SH3BGR: variants seen among roughly 807,000 people sequenced by gnomAD.
SH3BGR encodes SH3 domain binding glutamate rich protein, also known as SH3 domain-binding glutamic acid-rich protein.
In SH3BGR, 29 loss-of-function variants were observed where a neutral mutation model predicts 24.5. That is an observed-to-expected ratio of 1.18 (90% CI 0.88 to 1.61). The LOEUF (loss-of-function observed/expected upper bound fraction) is 1.61, where lower values mean the gene tolerates loss of function less well. Ranked by LOEUF, SH3BGR falls within the 40% of genes most tolerant of loss-of-function variation. The pLI, the probability that SH3BGR is intolerant of heterozygous loss-of-function variation, is 0.00. For synonymous variants in SH3BGR, 55 were observed against 65.7 expected (o/e 0.84, Z 0.79); for missense variants, 162 against 205.8 (o/e 0.79, Z 1.30).
chr21:39,511,415 TGTG>T lies in SH3BGR; in HGVS notation c.436-264_436-262del, dbSNP rs1315962080. On this transcript the variant is annotated intron_variant, in intron 5 of 6. Coordinates refer to ENST00000333634, the MANE Select transcript of SH3BGR (RefSeq NM_007341.3). This position sits in a 1 kb window ranked among gnomAD's most constrained non-coding sequence, Gnocchi z 4.2. ...TGTGCGTGGATGTGTGTCTGGGTGG[TGTG>T]TGGGGGGGTGTGTGTGCTGTGTGTC... 6.7e-6 allele frequency among the ~76,000 whole-genome samples: 1 copy of T among 148,938 alleles called. No homozygotes were observed. Among genetic ancestry groups the T allele is most frequent in the East Asian group, 2.0e-4 (1 of 5,052 alleles).
chr21:39,515,393 A>T lies in SH3BGR; in HGVS notation c.*340A>T, dbSNP rs879884178. The T allele has an allele frequency of 3.6e-5, 6 of 168,658 alleles. No individual in the cohort carries two copies. Among genetic ancestry groups the T allele is most frequent in the Non-Finnish European group, 5.1e-5 (4 of 77,688 alleles). The allele number at this position is 168,658 out of a possible 1,614,324, so 10.4% of individuals were successfully genotyped here. A position where few individuals can be genotyped will look rare whatever the true frequency, so the allele number is the denominator to read the frequency against. On this transcript the variant is annotated 3_prime_UTR_variant, in exon 7 of 7. Transcript: ENST00000333634. ...TTTCAAGGCATGGAAGTTCTCTGTG[A>T]TACAACAATAGTATTTCTTCAAATG...
intron 2 of SH3BGR, among the ~76,000 whole-genome samples, chr21:39,472,649 G>C (rs1388277165): frequency 6.6e-6 from 1 of 152,158 alleles, no homozygotes; most frequent in Non-Finnish European, 1.5e-5. Context: ...TCTACTTGTG[G>C]TTATAAATTC....
upstream of SH3BGR, among the ~76,000 whole-genome samples, chr21:39,451,271 G>A (rs1476506669): frequency 2.0e-5 from 3 of 152,170 alleles, no homozygotes; most frequent in Non-Finnish European, 1.5e-5. Flanking sequence ...CTTTAAAATA[G>A]TTAATAAACT....
In SH3BGR at chr21:39,511,612, A is replaced by G; in HGVS notation, c.436-68A>G. The G allele has an allele frequency of 6.5e-7, 1 of 1,527,674 alleles. No individual in the cohort carries two copies. Among genetic ancestry groups the G allele is most frequent in the South Asian group, 1.2e-5 (1 of 82,650 alleles). The allele number at this position is 1,527,674 out of a possible 1,614,324, so 94.6% of individuals were successfully genotyped here. ...TTTGACCTCTAGTCCAGCATTTTAC[A>G]GTCTTTTTCTCACTGTATCCTTGGC... is the stretch of plus-strand genomic sequence containing the variant. On this transcript the variant is annotated intron_variant, in intron 5 of 6. Transcript: ENST00000333634. The surrounding 1 kb of genome is among the most constrained non-coding windows in gnomAD (Gnocchi z 4.2).
intron 2 of SH3BGR, among the ~76,000 whole-genome samples, chr21:39,463,530 G>A (rs1406381498): frequency 1.3e-5 from 2 of 152,226 alleles, no homozygotes; most frequent in Admixed American, 6.5e-5. Flanking sequence ...AGCGCCATGC[G>A]CCTGGGACTG....
In SH3BGR at chr21:39,462,473, G is replaced by A. The variant is rs753256009; in HGVS notation, c.144G>A (p.Trp48Ter). The A allele has an allele frequency of 3.2e-5, 51 of 1,608,522 alleles. 1 individual carries two copies. The South Asian group carries it at 5.3e-4, about 17-fold the overall frequency. ...CTGGAGATGAAGACAACAGGAGGTG[G>A]ATGAGAGAGAATGTTCCTGGAGAGA... ...DIAGDEDNRR[W>*]MRENVPGEKK... is the part of the protein sequence containing the mutation. The change falls in exon 2 of 7, where the codon TGG becomes TGA. Residue 48 changes from tryptophan (W) to a stop codon, truncating the protein, a stop_gained. Transcript: ENST00000333634. LOFTEE classifies it high-confidence loss of function.
chr21:39,480,914 G>A (rs775559193), intron 3 of SH3BGR, among the ~76,000 whole-genome samples: 4 of 152,344 alleles, frequency 2.6e-5, no homozygotes, highest in Middle Eastern at 3.4e-3. Context: ...TCTCCAGAAT[G>A]AATGTGGTAT....
At chr21:39,505,560 T>A (rs1439565860) in intron 4 of SH3BGR, among the ~76,000 whole-genome samples, 1 of 152,120 alleles carries the variant, frequency 6.6e-6, no homozygotes, top group Non-Finnish European at 1.5e-5. Flanking sequence ...GGTCAGGAGT[T>A]TGAAACCAGC....
At chr21:39,465,488 C>A (rs1298339545) in intron 2 of SH3BGR, among the ~76,000 whole-genome samples, 1 of 152,194 alleles carries the variant, frequency 6.6e-6, no homozygotes, top group East Asian at 1.9e-4. Context: ...TGTAGATTTA[C>A]AACTGAATGT....
At position 39,515,402 on chromosome 21, in the gene SH3BGR, T is replaced by C. The variant is rs1335029425; in HGVS notation, c.*349T>C. ...ATGGAAGTTCTCTGTGATACAACAA[T>C]AGTATTTCTTCAAATGCGCCTTATG... is the stretch of plus-strand genomic sequence containing the variant. On this transcript the variant is annotated 3_prime_UTR_variant, in exon 7 of 7. Coordinates refer to ENST00000333634, the MANE Select transcript of SH3BGR (RefSeq NM_007341.3). 1.2e-5 allele frequency: 2 copies of C among 163,054 alleles called. No homozygotes were observed. The highest frequency in any genetic ancestry group is 4.8e-5 in the African/African-American group (2 of 41,652). 10.1% of individuals were successfully genotyped at this position (163,054 alleles called of 1,614,324 possible). A position where few individuals can be genotyped will look rare whatever the true frequency, so the allele number is the denominator to read the frequency against.
intron 4 of SH3BGR, among the ~76,000 whole-genome samples, chr21:39,502,918 G>GC (rs2078520016): frequency 1.3e-5 from 2 of 151,952 alleles, no homozygotes; most frequent in African/African-American, 4.8e-5. Context: ...GGCCTGGGCA[G>GC]TACCCCTCCT....
intron 3 of SH3BGR, among the ~76,000 whole-genome samples, chr21:39,495,482 C>CTTTTTTTTT (rs543877521): frequency 2.9e-5 from 4 of 140,174 alleles, no homozygotes; most frequent in African/African-American, 1.0e-4. Flanking sequence ...GTAAAAGTCT[C>CTTTTTTTTT]TTTTTTTTTT....
chr21:39,513,027 C>G (rs996459551), intron 6 of SH3BGR, among the ~76,000 whole-genome samples: 5 of 152,060 alleles, frequency 3.3e-5, no homozygotes, highest in Non-Finnish European at 5.9e-5. Flanking sequence ...AAAGTTTAGT[C>G]TTTTTATCTC....
chr21:39,494,947 T>A (rs1314335914), intron 3 of SH3BGR, among the ~76,000 whole-genome samples: 6 of 152,168 alleles, frequency 3.9e-5, no homozygotes. Flanking sequence ...TATTTTAAGT[T>A]CACTTATTTT....
At chr21:39,508,894 T>G in intron 4 of SH3BGR, 104 bp from the exon 5 acceptor site, 1 of 820,332 alleles carries the variant, frequency 1.2e-6, no homozygotes, top group Non-Finnish European at 2.0e-6. Context: ...GTGTTGTTCA[T>G]TTTGATTAGC....
At chr21:39,510,385 CACACACTGTAGCT>C (rs1376123322) in intron 5 of SH3BGR, among the ~76,000 whole-genome samples, 1 of 134,640 alleles carries the variant, frequency 7.4e-6, no homozygotes, top group African/African-American at 2.9e-5. Flanking sequence ...CACACACACA[CACACACTGTAGCT>C]ACACACACAC....
intron 2 of SH3BGR, among the ~76,000 whole-genome samples, chr21:39,470,916 A>G (rs2077928722): frequency 6.6e-6 from 1 of 152,134 alleles, no homozygotes; most frequent in Non-Finnish European, 1.5e-5. Context: ...TTCATGCTTG[A>G]AAAAATAGTT....
Position 39,499,927 on chromosome 21 carries a change from C to G in SH3BGR, c.405+12C>G, listed in dbSNP as rs748008739. On this transcript the variant is annotated intron_variant, in intron 4 of 6. Coordinates refer to ENST00000333634, the MANE Select transcript of SH3BGR (RefSeq NM_007341.3). The stretch of plus-strand genomic sequence containing the variant: ...CCCAGGAGAAGAATGTGAGTTTTCG[C>G]TTTTTCACAGCAGTTTGACTGGATT... 1 of 1,583,548 alleles carries G rather than the reference C, an allele frequency of 6.3e-7. No homozygotes were observed. The highest frequency in any genetic ancestry group is 1.1e-5 in the South Asian group (1 of 90,322).
chr21:39,507,366 T>C (rs2078600780), intron 4 of SH3BGR, among the ~76,000 whole-genome samples: 1 of 152,212 alleles, frequency 6.6e-6, no homozygotes. Flanking sequence ...GGAGTTTTGC[T>C]CTTGTTGCTC....
Sources: allele counts gnomAD v4.1 joint callset (sites outside exome capture counted in the v4.1 genomes callset), GRCh38; gene constraint gnomAD v4.1.1; non-coding constraint Gnocchi (gnomAD v3.1); transcripts MANE v1.5; gene names NCBI Gene and HGNC (gene_info 2026-07-23, HGNC 2026-07-21).